Variants in FBXW10 observed in about 807,000 individuals in gnomAD.
The protein encoded by FBXW10 is F-box/WD repeat-containing protein 10.
In FBXW10, 68 loss-of-function variants were observed where a neutral mutation model predicts 113.1. The observed-to-expected ratio is 0.60, with a 90% CI of 0.49 to 0.74. The LOEUF (loss-of-function observed/expected upper bound fraction) is 0.74, where lower values mean the gene tolerates loss of function less well. Among genes scored for constraint, FBXW10 ranks in the 30% least tolerant of loss-of-function variants. FBXW10 has a pLI of 0.00. For synonymous variants in FBXW10, 289 were observed against 481.6 expected, an observed-to-expected ratio of 0.60 and a Z score of 5.24; for missense variants, 753 against 1,284.5, an observed-to-expected ratio of 0.59 and a Z score of 6.32.
intron 5 of FBXW10, 63 bp from the exon 6 acceptor site, chr17:18,755,982 G>A (rs1479485438): frequency 1.3e-6 from 2 of 1,492,180 alleles, no homozygotes; most frequent in Non-Finnish European, 1.8e-6. Flanking sequence ...GACCCTAGGG[G>A]CTCTGGGACT....
intron 5 of FBXW10, among the ~76,000 whole-genome samples, chr17:18,754,772 G>T (rs1462461210): frequency 1.3e-5 from 2 of 152,210 alleles, no homozygotes; most frequent in Non-Finnish European, 2.9e-5. Context: ...ATGAAGGCAG[G>T]CAGGCAGGAA....
chr17:18,768,357 C>T (rs1419526531), intron 9 of FBXW10, among the ~76,000 whole-genome samples, 177 bp from the exon 10 acceptor site: 2 of 152,082 alleles, frequency 1.3e-5, no homozygotes, highest in Non-Finnish European at 2.9e-5. Flanking sequence ...TGAGCCACCG[C>T]ACCCGGCCTC....
intron 12 of FBXW10, 71 bp downstream of exon 12, chr17:18,772,754 G>A: frequency 1.5e-6 from 2 of 1,323,626 alleles, no homozygotes; most frequent in Non-Finnish European, 1.1e-6. Flanking sequence ...GGGGGTGGTG[G>A]GAGACGGGGA....
chr17:18,763,158 ATT>A (rs1157017619), intron 7 of FBXW10, among the ~76,000 whole-genome samples: 7 of 142,832 alleles, frequency 4.9e-5, no homozygotes, highest in Non-Finnish European at 4.6e-5. Context: ...AGTAAGTACA[ATT>A]TTTTTTTTTT....
At position 18,768,615 on chromosome 17, in the gene FBXW10, G is replaced by A. The variant is rs1456196024; in HGVS notation, c.1786G>A (p.Val596Ile). ...CCTCTCAGGAAGTACTGATGGCCTG[G>A]TCATGGCCTGGAGCATGGTGGGGAA... The part of the protein sequence containing the change: ...HLLSGSTDGL[V>I]MAWSMVGKYE... Residue 596 changes from valine (V) to isoleucine (I), a missense_variant, in exon 10 of 14, where the codon GTC becomes ATC. By Grantham distance (29) the Val-to-Ile change is conservative. Transcript: ENST00000395665. 17 of 1,614,006 alleles carry A rather than the reference G, an allele frequency of 1.1e-5. No homozygotes were observed. The highest frequency in any genetic ancestry group is 1.4e-5 in the Non-Finnish European group (17 of 1,179,922).
At chr17:18,753,315 G>T (rs908206590) in intron 5 of FBXW10, among the ~76,000 whole-genome samples, 1 of 151,954 alleles carries the variant, frequency 6.6e-6, no homozygotes, top group Non-Finnish European at 1.5e-5. Context: ...AGCAGACTCG[G>T]GGGTATGCCT....
intron 13 of FBXW10, among the ~76,000 whole-genome samples, chr17:18,776,520 A>G (rs12150592): frequency 0.092 from 14,031 of 152,240 alleles, 660 homozygotes; most frequent in African/African-American, 0.11. Context: ...CTGCGCTAAC[A>G]ATGGGCATCC....
Position 18,769,954 on chromosome 17 carries a change from C to T in FBXW10, c.1875C>T (p.Phe625=), listed in dbSNP as rs374611444. The change falls in exon 11 of 14, where the codon TTC becomes TTT. Residue 625 remains phenylalanine (F), a synonymous_variant. Coordinates refer to ENST00000395665, the MANE Select transcript of FBXW10 (RefSeq NM_001267585.2). ...PKEVLDVSLL[F]LRVISACADG... ...AGGTGCTCGACGTGTCCCTTCTCTTCCTCCGGGTCATCAGCGCCTGTGCAG... is the reference window on the plus strand; with the variant it reads ...AGGTGCTCGACGTGTCCCTTCTCTTTCTCCGGGTCATCAGCGCCTGTGCAG... 6.2e-7 allele frequency: 1 copy of T among 1,614,076 alleles called. No homozygotes were observed. Among genetic ancestry groups the T allele is most frequent in the African/African-American group, 1.3e-5 (1 of 74,920 alleles).
At chr17:18,766,503 C>G (rs1030299481) in intron 8 of FBXW10, among the ~76,000 whole-genome samples, 1 of 152,126 alleles carries the variant, frequency 6.6e-6, no homozygotes, top group Non-Finnish European at 1.5e-5. Context: ...CCTCAACCAC[C>G]TGTATTCAGG....
rs575326988 is a variant in FBXW10 at position 18,744,984 on chromosome 17, A to T, written c.505+235A>T. The T allele has an allele frequency of 5.0e-6, 7 of 1,411,506 alleles. No homozygotes were observed. The African/African-American group carries it at 7.2e-5, about 15-fold the overall frequency. 87.4% of individuals were successfully genotyped at this position (1,411,506 alleles called of 1,614,324 possible). A position where few individuals can be genotyped will look rare whatever the true frequency, so the allele number is the denominator to read the frequency against. On this transcript the variant is annotated intron_variant, in intron 1 of 13. Transcript: ENST00000395665. ...TGATCAATGCAGGAGGAAGTACACA[A>T]CTTTTAACTCACAAGCATTTATCAT...
chr17:18,752,488 G>A, intron 5 of FBXW10, among the ~76,000 whole-genome samples: 1 of 152,140 alleles, frequency 6.6e-6, no homozygotes, highest in Non-Finnish European at 1.5e-5. Context: ...GCCGAGGCGG[G>A]CGGATCACTA....
Position 18,750,947 on chromosome 17 carries a change from G to A in FBXW10, c.1016G>A (p.Gly339Glu). ...ITFLQGSYTR[G>E]IDPNYANKVS... ...TTTTTCCAGGGGTCCTACACAAGAG[G>A]AATTGATCCTAATTATGCCAATAAG... Residue 339 changes from glycine to glutamate, a missense_variant, in exon 5 of 14, where the codon GGA (glycine) becomes GAA (glutamate). Physicochemically the swap from Gly to Glu is moderately conservative, Grantham distance 98. Coordinates refer to ENST00000395665, the MANE Select transcript of FBXW10 (RefSeq NM_001267585.2). 1 of 1,613,964 alleles carries A rather than the reference G, an allele frequency of 6.2e-7. No individual in the cohort carries two copies. The highest frequency in any genetic ancestry group is 8.5e-7 in the Non-Finnish European group (1 of 1,179,938).
chr17:18,744,269 A>T lies in FBXW10; in HGVS notation c.25A>T (p.Lys9Ter), dbSNP rs767063943. ...CATGGAAAACCTGGAATCAAGGCTC[A>T]AGAATGCCCCCTATTTTCGTTGTGA... MENLESRL[K>*]NAPYFRCEKG... is the part of the protein sequence containing the mutation. The change falls in exon 1 of 14, where the codon AAG becomes TAG. Residue 9 changes from lysine to a stop codon, truncating the protein, a stop_gained. Coordinates refer to ENST00000395665, the MANE Select transcript of FBXW10 (RefSeq NM_001267585.2). LOFTEE classifies it high-confidence loss of function. 2.5e-6 allele frequency: 4 copies of T among 1,600,612 alleles called. No homozygotes were observed. In the East Asian group the frequency reaches 8.9e-5, roughly 36 times the overall value.
Position 18,774,541 on chromosome 17 carries a change from C to T in FBXW10, c.2279-595C>T, listed in dbSNP as rs543845842. ...GGGCGCAGTGACTCATGCCTGTAAT[C>T]CCAGCACTTTGGGAGGCTGAGGCGG... is the stretch of plus-strand genomic sequence containing the variant. On this transcript the variant is annotated intron_variant, in intron 12 of 13. Coordinates refer to ENST00000395665, the MANE Select transcript of FBXW10 (RefSeq NM_001267585.2). Among the ~76,000 whole-genome samples, 7 of 152,306 alleles carry T rather than the reference C, an allele frequency of 4.6e-5. No individual in the cohort carries two copies. In the East Asian group the frequency reaches 1.3e-3, roughly 29 times the overall value.
In FBXW10 at chr17:18,759,166, T is replaced by C. The variant is rs1597595015; in HGVS notation, c.1433+661T>C. On this transcript the variant is annotated intron_variant, in intron 7 of 13. Coordinates refer to ENST00000395665, the MANE Select transcript of FBXW10 (RefSeq NM_001267585.2). The stretch of plus-strand genomic sequence containing the variant: ...GACTGGGCGACACAGCGAGACTCCA[T>C]CTCAAAAAAAACCACATATGTATAT... Among the ~76,000 whole-genome samples, 6 of 151,914 alleles carry C rather than the reference T, an allele frequency of 3.9e-5. 1 individual carries two copies. The South Asian group carries it at 1.2e-3, about 32-fold the overall frequency.
chr17:18,749,295 C>T (rs4924769), intron 2 of FBXW10, among the ~76,000 whole-genome samples: 84,592 of 151,496 alleles, frequency 0.56, 24,021 homozygotes, highest in African/African-American at 0.63. Context: ...TCCCAGCACT[C>T]TGGGAGGCCG....
chr17:18,773,005 C>T (rs368815799), intron 12 of FBXW10, among the ~76,000 whole-genome samples: 368 of 151,084 alleles, frequency 2.4e-3, no homozygotes, highest in East Asian at 5.6e-3. Flanking sequence ...CTTGGCTCAC[C>T]GCAACCTCCG....
chr17:18,770,141 T>C, intron 11 of FBXW10, 56 bp downstream of exon 11: 3 of 1,608,320 alleles, frequency 1.9e-6, no homozygotes, highest in Non-Finnish European at 2.5e-6. Context: ...ATTTTTTGAT[T>C]TTTTTCCTCC....
At chr17:18,771,057 C>T (rs1047549253) in intron 11 of FBXW10, among the ~76,000 whole-genome samples, 4 of 151,536 alleles carry the variant, frequency 2.6e-5, no homozygotes, top group Non-Finnish European at 5.9e-5. Context: ...TTAAAGAGGG[C>T]AGCCTGGTAA....
Sources: gnomAD v4.1 joint callset for allele counts (sites outside exome capture counted in the v4.1 genomes callset) on GRCh38, gnomAD v4.1.1 for gene constraint, MANE v1.5 for transcripts, NCBI Gene and HGNC (gene_info 2026-07-23, HGNC 2026-07-21) for gene names.